TMTC2: variants seen among roughly 807,000 people sequenced by gnomAD.
The protein encoded by TMTC2 is protein O-mannosyl-transferase TMTC2.
In TMTC2, 43 loss-of-function variants were observed where a neutral mutation model predicts 82.4. That is an observed-to-expected ratio of 0.52 (90% CI 0.41 to 0.67). The LOEUF is 0.67. TMTC2 is among the 30% of genes least tolerant of loss of function. TMTC2 has a pLI of 0.00. For synonymous variants in TMTC2, 408 were observed against 381.9 expected (o/e 1.07, Z -0.80); for missense variants, 919 against 1,012.4 (o/e 0.91, Z 1.25).
intron 1 of TMTC2, among the ~76,000 whole-genome samples, chr12:82,703,502 T>A (rs370441295): frequency 1.1e-4 from 16 of 147,146 alleles, no homozygotes; most frequent in African/African-American, 2.5e-4. Flanking sequence ...TTCTTTCTTT[T>A]TTTTTTTTTT....
chr12:83,093,137 G>A (rs1217081009), intron 11 of TMTC2, among the ~76,000 whole-genome samples: 2 of 152,004 alleles, frequency 1.3e-5, no homozygotes. Context: ...ACATTCACAT[G>A]TTTCCCTATC....
intron 11 of TMTC2, among the ~76,000 whole-genome samples, chr12:83,084,855 GA>G (rs1383080645): frequency 9.9e-5 from 15 of 152,182 alleles, no homozygotes; most frequent in African/African-American, 3.6e-4. Flanking sequence ...AAGACTAAGA[GA>G]AATACCCTGC....
At chr12:83,078,608 A>G (rs186195563) in intron 11 of TMTC2, among the ~76,000 whole-genome samples, 1 of 152,336 alleles carries the variant, frequency 6.6e-6, no homozygotes, top group East Asian at 1.9e-4. Flanking sequence ...TTTTGTAAGT[A>G]ATAGTGAACC....
intron 3 of TMTC2, among the ~76,000 whole-genome samples, chr12:82,905,389 G>A (rs1269102671): frequency 6.6e-6 from 1 of 152,058 alleles, no homozygotes; most frequent in East Asian, 1.9e-4. Flanking sequence ...ATGTCAATTT[G>A]ATTTAAAAAA....
chr12:83,001,157 G>A (rs1017015756), intron 8 of TMTC2, among the ~76,000 whole-genome samples: 6 of 152,068 alleles, frequency 3.9e-5, no homozygotes, highest in African/African-American at 9.7e-5. Flanking sequence ...ATTAACATTC[G>A]GCTCCTCGTT....
rs147969728 is a variant in TMTC2 at position 83,012,808 on chromosome 12, C to A, written c.2071-17990C>A. Among the ~76,000 whole-genome samples the A allele has an allele frequency of 2.4e-3, 371 of 152,216 alleles. 2 individuals carry two copies. The highest frequency in any genetic ancestry group is 3.8e-3 in the Non-Finnish European group (258 of 67,970). ...GATGTTAATGAGTATGTACAGTATT[C>A]TTCTGACAGGTATAACAGAATACAG... On this transcript the variant is annotated intron_variant, in intron 8 of 11. Coordinates refer to ENST00000321196, the MANE Select transcript of TMTC2 (RefSeq NM_152588.3).
At chr12:82,979,930 G>A (rs1400944166) in intron 7 of TMTC2, among the ~76,000 whole-genome samples, 1 of 151,610 alleles carries the variant, frequency 6.6e-6, no homozygotes, top group Non-Finnish European at 1.5e-5. Context: ...TGCCCTCCCT[G>A]CCTCCACTGA....
chr12:82,753,801 G>C (rs1014806877), intron 1 of TMTC2, among the ~76,000 whole-genome samples: 5 of 152,220 alleles, frequency 3.3e-5, no homozygotes, highest in Admixed American at 2.0e-4. Context: ...TGATACAAAA[G>C]TTAATTGATT....
At chr12:82,719,125 G>A (rs1306352341) in intron 1 of TMTC2, among the ~76,000 whole-genome samples, 12 of 102,406 alleles carry the variant, frequency 1.2e-4, no homozygotes, top group Admixed American at 6.2e-4. Context: ...ACGGAGTCTC[G>A]TTCTGTCACC....
At chr12:82,871,681 CTGTGTGTGTGTG>C (rs10662218) in intron 2 of TMTC2, among the ~76,000 whole-genome samples, 17,274 of 142,172 alleles carry the variant, frequency 0.12, 1,424 homozygotes, top group African/African-American at 0.23. Context: ...CTCTGCTCAT[CTGTGTGTGTGTG>C]TGTGTGTGTG....
At position 82,940,083 on chromosome 12, in the gene TMTC2, C is replaced by T. The variant is rs1876626395; in HGVS notation, c.1598+9538C>T. Among the ~76,000 whole-genome samples, 6 of 142,018 alleles carry T rather than the reference C, an allele frequency of 4.2e-5. No individual in the cohort carries two copies. The Admixed American group carries it at 4.5e-4, about 11-fold the overall frequency. 93.2% of individuals were successfully genotyped at this position (142,018 alleles called of 152,430 possible). A position where few individuals can be genotyped will look rare whatever the true frequency, so the allele number is the denominator to read the frequency against. ...TTGCCCAGGCTAGAGTGCAGTGGCG[C>T]GATCTCGGCTCACAGCAACCTCCGC... On this transcript the variant is annotated intron_variant, in intron 4 of 11. Coordinates refer to ENST00000321196, the MANE Select transcript of TMTC2 (RefSeq NM_152588.3).
intron 2 of TMTC2, among the ~76,000 whole-genome samples, chr12:82,859,128 C>T (rs1464304700): frequency 1.3e-5 from 2 of 148,760 alleles, no homozygotes; most frequent in African/African-American, 2.5e-5. Flanking sequence ...AGTGCAGTGG[C>T]GCCATCTCGG....
intron 1 of TMTC2, among the ~76,000 whole-genome samples, chr12:82,754,122 A>C (rs1284088066): frequency 1.3e-5 from 2 of 152,236 alleles, no homozygotes; most frequent in African/African-American, 4.8e-5. Context: ...CCTTTAGTTT[A>C]TCAGAAAGAA....
chr12:82,825,443 G>A (rs1267615053), intron 1 of TMTC2, among the ~76,000 whole-genome samples: 1 of 152,124 alleles, frequency 6.6e-6, no homozygotes, highest in Non-Finnish European at 1.5e-5. Flanking sequence ...AGACACAGGG[G>A]AACAATGAGG....
intron 11 of TMTC2, among the ~76,000 whole-genome samples, chr12:83,124,586 A>G (rs983983461): frequency 1.1e-5 from 1 of 92,290 alleles, no homozygotes; most frequent in Admixed American, 9.7e-5. Flanking sequence ...TTTAATGAGC[A>G]GAAGTTTGTC....
chr12:82,754,039 G>C (rs889109506), intron 1 of TMTC2, among the ~76,000 whole-genome samples: 1 of 152,184 alleles, frequency 6.6e-6, no homozygotes, highest in African/African-American at 2.4e-5. Context: ...TCAGGAGATT[G>C]AGATTTATGC....
chr12:82,851,388 C>A (rs1166266658), intron 1 of TMTC2, among the ~76,000 whole-genome samples: 1 of 152,158 alleles, frequency 6.6e-6, no homozygotes, highest in Non-Finnish European at 1.5e-5. Flanking sequence ...TGCACTCCAG[C>A]CTGGGCGACA....
intron 1 of TMTC2, among the ~76,000 whole-genome samples, chr12:82,784,725 C>G (rs1360451088): frequency 6.6e-6 from 1 of 152,120 alleles, no homozygotes; most frequent in African/African-American, 2.4e-5. Flanking sequence ...CAGAGCAATT[C>G]CATGCTTCAT....
Position 82,896,600 on chromosome 12 carries a change from T to G in TMTC2, c.1437T>G (p.Asn479Lys), listed in dbSNP as rs775209126. 1.9e-6 allele frequency: 3 copies of G among 1,613,620 alleles called. No homozygotes were observed. The African/African-American group carries it at 4.0e-5, about 22-fold the overall frequency. ...KTAIRNGDWQ[N>K]EEMLYRSGIK... is the part of the protein sequence containing the mutation. ...CGATCAGGAATGGAGACTGGCAGAATGAGGAAATGCTTTATAGATCAGGGA... is the reference window on the plus strand; with the variant it reads ...CGATCAGGAATGGAGACTGGCAGAAGGAGGAAATGCTTTATAGATCAGGGA... Residue 479 changes from asparagine to lysine, a missense_variant, in exon 3 of 12, where the codon AAT becomes AAG. Transcript: ENST00000321196.
Sources: gnomAD v4.1 joint callset for allele counts (sites outside exome capture counted in the v4.1 genomes callset) on GRCh38, gnomAD v4.1.1 for gene constraint, MANE v1.5 for transcripts, NCBI Gene and HGNC (gene_info 2026-07-23, HGNC 2026-07-21) for gene names.